ERC1: variants seen among roughly 807,000 people sequenced by gnomAD.
The protein encoded by ERC1 is RAB6 interacting protein 2.
In ERC1, 56 loss-of-function variants were observed where a neutral mutation model predicts 132.0. That is an observed-to-expected ratio of 0.42 (90% CI 0.34 to 0.53). The LOEUF is 0.53. Among genes scored for constraint, ERC1 ranks in the 20% least tolerant of loss-of-function variants. ERC1 has a pLI of 0.03. For synonymous variants in ERC1, 478 were observed against 476.1 expected (o/e 1.00, Z -0.05); for missense variants, 1,202 against 1,349.9 (o/e 0.89, Z 1.72).
chr12:1,068,940 G>A (rs1344482318), intron 2 of ERC1, among the ~76,000 whole-genome samples: 4 of 151,936 alleles, frequency 2.6e-5, no homozygotes, highest in African/African-American at 9.7e-5. Flanking sequence ...GACACAAAAG[G>A]TTATTTCTTT....
In ERC1 at chr12:1,408,147, A is replaced by G. The variant is rs1331771913; in HGVS notation, c.2926-2A>G. On this transcript the variant is annotated splice_acceptor_variant, in intron 16 of 18. Transcript: ENST00000360905. LOFTEE classifies it high-confidence loss of function. ...TTAACCTTATGAATAATTTCTTCCT[A>G]GACGCAAAATCGAATGAAGCTAATG... The G allele has an allele frequency of 6.2e-7, 1 of 1,611,090 alleles. No homozygotes were observed. The highest frequency in any genetic ancestry group is 2.2e-5 in the East Asian group (1 of 44,858).
At chr12:1,420,745 A>G (rs182178298) in intron 17 of ERC1, among the ~76,000 whole-genome samples, 311 of 152,108 alleles carry the variant, frequency 2.0e-3, no homozygotes, top group African/African-American at 7.1e-3. Flanking sequence ...ATGAGCCACC[A>G]TGCCTGGCCG....
At chr12:1,228,363 T>TTTCTTTTAAG (rs772044343) in intron 12 of ERC1, among the ~76,000 whole-genome samples, 1 of 151,434 alleles carries the variant, frequency 6.6e-6, no homozygotes, top group Admixed American at 6.6e-5. Context: ...TATACAAAAA[T>TTTCTTTTAAG]ATACAACTAA....
At chr12:1,398,842 C>T (rs1319292337) in intron 16 of ERC1, among the ~76,000 whole-genome samples, 1 of 149,584 alleles carries the variant, frequency 6.7e-6, no homozygotes. Flanking sequence ...TGTCCTTGCA[C>T]ACATCTATTC....
chr12:1,009,699 T>C (rs1964366438), intron 1 of ERC1, among the ~76,000 whole-genome samples: 1 of 152,182 alleles, frequency 6.6e-6, no homozygotes, highest in East Asian at 1.9e-4. Context: ...AAAAGAAACA[T>C]AATTTAGTTA....
At chr12:1,337,770 A>G (rs2083437649) in intron 15 of ERC1, among the ~76,000 whole-genome samples, 1 of 152,174 alleles carries the variant, frequency 6.6e-6, no homozygotes, top group Admixed American at 6.5e-5. Context: ...GCTGGTGTGA[A>G]AAGGATCTGA....
chr12:1,345,331 C>T (rs1374358002), intron 15 of ERC1, among the ~76,000 whole-genome samples: 1 of 152,044 alleles, frequency 6.6e-6, no homozygotes, highest in African/African-American at 2.4e-5. Context: ...CAGGTGCCCA[C>T]CACCACACCC....
At chr12:1,382,588 C>T (rs1026086661) in intron 16 of ERC1, among the ~76,000 whole-genome samples, 7 of 152,324 alleles carry the variant, frequency 4.6e-5, no homozygotes, top group Admixed American at 1.3e-4. Context: ...CTTGCCTCTT[C>T]GGGCTTTATC....
chr12:1,163,769 G>A (rs988169824), intron 8 of ERC1, among the ~76,000 whole-genome samples: 3 of 152,174 alleles, frequency 2.0e-5, no homozygotes, highest in Admixed American at 6.5e-5. Context: ...AGGCTGGAGT[G>A]CAGTGGCACA....
rs1278067319 is a variant in ERC1 at position 1,180,514 on chromosome 12, T to C, written c.1738-26T>C. 2.5e-6 allele frequency: 4 copies of C among 1,608,558 alleles called. No homozygotes were observed. The Admixed American group carries it at 6.7e-5, about 27-fold the overall frequency. ...GTTTTTTTATACATGTCCTCTCTTT[T>C]CCCTTAAATATTTATGTACATTTAG... On this transcript the variant is annotated intron_variant, in intron 8 of 18. Transcript: ENST00000360905.
chr12:1,431,900 G>A (rs1288747080), intron 17 of ERC1, among the ~76,000 whole-genome samples: 2 of 152,110 alleles, frequency 1.3e-5, no homozygotes, highest in Non-Finnish European at 2.9e-5. Context: ...TACACTTTTG[G>A]TTTTTGTTTG....
At chr12:1,288,776 C>A (rs1189619060) in intron 14 of ERC1, among the ~76,000 whole-genome samples, 1 of 152,154 alleles carries the variant, frequency 6.6e-6, no homozygotes, top group African/African-American at 2.4e-5. Flanking sequence ...AAGATTATTT[C>A]TTGGCAATTA....
chr12:1,139,875 A>C (rs538241058), intron 7 of ERC1, among the ~76,000 whole-genome samples: 3 of 152,298 alleles, frequency 2.0e-5, no homozygotes, highest in African/African-American at 7.2e-5. Context: ...GGAGGAAGAA[A>C]AGAACAGTAT....
intron 17 of ERC1, chr12:1,430,721 A>C (rs2092771260): frequency 6.6e-6 from 1 of 152,262 alleles, no homozygotes; most frequent in Non-Finnish European, 1.5e-5. Flanking sequence ...TCAGAGAGGG[A>C]AAAACAAGCC....
chr12:1,277,284 A>G (rs1438896328), intron 14 of ERC1, among the ~76,000 whole-genome samples: 1 of 152,254 alleles, frequency 6.6e-6, no homozygotes, highest in Non-Finnish European at 1.5e-5. Flanking sequence ...AATTCAAAAC[A>G]TTCTGCAGAG....
At position 1,083,290 on chromosome 12, in the gene ERC1, A is replaced by C; in HGVS notation, c.796A>C (p.Asn266His). 2 of 1,614,170 alleles carry C rather than the reference A, an allele frequency of 1.2e-6. No homozygotes were observed. The highest frequency in any genetic ancestry group is 1.7e-6 in the Non-Finnish European group (2 of 1,180,034). Reference sequence around the variant, plus strand: ...TTGTGTAGCAGAGCTGACAGAGGAGAACTTTCAGAGGCTTCATGCTGAGCA... The same window carrying C: ...TTGTGTAGCAGAGCTGACAGAGGAGCACTTTCAGAGGCTTCATGCTGAGCA... ...EPCVAELTEE[N>H]FQRLHAEHER... The change falls in exon 3 of 19, where the codon AAC (asparagine) becomes CAC (histidine). Residue 266 changes from asparagine to histidine, a missense_variant. By Grantham distance (68) the Asn-to-His change is moderately conservative. Coordinates refer to ENST00000360905, the MANE Select transcript of ERC1 (RefSeq NM_178040.4).
At chr12:1,018,462 GC>G (rs1965863352) in intron 1 of ERC1, among the ~76,000 whole-genome samples, 1 of 152,184 alleles carries the variant, frequency 6.6e-6, no homozygotes, top group Non-Finnish European at 1.5e-5. Flanking sequence ...TGATCCGCCT[GC>G]CTCGGCCTCC....
chr12:999,120 A>G (rs1359169260), intron 1 of ERC1, among the ~76,000 whole-genome samples: 1 of 152,082 alleles, frequency 6.6e-6, no homozygotes, highest in Non-Finnish European at 1.5e-5. Flanking sequence ...TTGGCCTCCC[A>G]AAGTGTTGGG....
intron 12 of ERC1, among the ~76,000 whole-genome samples, chr12:1,218,568 A>G (rs1361951462): frequency 6.6e-6 from 1 of 152,090 alleles, no homozygotes; most frequent in Non-Finnish European, 1.5e-5. Context: ...GTCTTACGAA[A>G]CTGCTCTTGT....
Sources: gnomAD v4.1 joint callset for allele counts (sites outside exome capture counted in the v4.1 genomes callset) on GRCh38, gnomAD v4.1.1 for gene constraint, MANE v1.5 for transcripts, NCBI Gene and HGNC (gene_info 2026-07-23, HGNC 2026-07-21) for gene names.